Variants in PBX4 observed in about 807,000 individuals in gnomAD.
PBX4 encodes the protein pre-B-cell leukemia transcription factor 4.
In PBX4, 26 loss-of-function variants were observed where a neutral mutation model predicts 35.1. The observed-to-expected ratio is 0.74, with a 90% CI of 0.54 to 1.03. The LOEUF is 1.03. PBX4 is among the 50% of genes least tolerant of loss of function. The pLI is 0.00. For missense variants in PBX4, 448 were observed against 504.3 expected, an observed-to-expected ratio of 0.89 and a Z score of 1.07; for synonymous variants, 199 against 204.2, an observed-to-expected ratio of 0.97 and a Z score of 0.22.
At chr19:19,607,933 C>T (rs1396451567) in intron 1 of PBX4, among the ~76,000 whole-genome samples, 3 of 152,138 alleles carry the variant, frequency 2.0e-5, no homozygotes, top group Non-Finnish European at 4.4e-5. Flanking sequence ...ATCGATTATC[C>T]TTGATTATTC....
intron 6 of PBX4, among the ~76,000 whole-genome samples, chr19:19,564,236 T>C (rs1317315869): frequency 6.7e-6 from 1 of 148,210 alleles, no homozygotes; most frequent in Non-Finnish European, 1.5e-5. Flanking sequence ...AGTGAGAATA[T>C]GCGGTGTTTG....
rs186588820 is a variant in PBX4, at chr19:19,591,462, A to G, written c.193+7830T>C. On this transcript the variant is annotated intron_variant, in intron 2 of 7. Transcript: ENST00000251203. Reference sequence around the variant, plus strand: ...TTCCCTGATGTTATGCATTATTTACATTTACTCCTCTGAATGGGGCTCTGT... The same window carrying G: ...TTCCCTGATGTTATGCATTATTTACGTTTACTCCTCTGAATGGGGCTCTGT... Among the ~76,000 whole-genome samples, 380 of 152,332 alleles carry G rather than the reference A, an allele frequency of 2.5e-3. 2 individuals are homozygous for G. Among genetic ancestry groups the G allele is most frequent in the African/African-American group, 8.8e-3 (366 of 41,562 alleles).
Position 19,570,778 on chromosome 19 carries a change from C to T in PBX4, c.249G>A (p.Arg83=). The T allele has an allele frequency of 1.2e-6, 2 of 1,614,120 alleles. No homozygotes were observed. Among genetic ancestry groups the T allele is most frequent in the South Asian group, 1.1e-5 (1 of 91,076 alleles). Residue 83 remains arginine (R), a synonymous_variant, in exon 3 of 8, where the codon AGG becomes AGA. Coordinates refer to ENST00000251203, the MANE Select transcript of PBX4 (RefSeq NM_025245.3). ...CCTCAGCCAGCAGCATGTTATCCAG[C>T]CTCAGGAGCTGGGCGTCAGGGGGAT... ...DEDPPDAQLL[R]LDNMLLAEGV...
At chr19:19,599,057 C>T (rs1406642250) in intron 2 of PBX4, among the ~76,000 whole-genome samples, 2 of 151,962 alleles carry the variant, frequency 1.3e-5, no homozygotes, top group African/African-American at 2.4e-5. Flanking sequence ...CAACCTCCAC[C>T]TCCCAGGTTC....
At chr19:19,615,886 TCACA>T (rs377323785) in intron 1 of PBX4, among the ~76,000 whole-genome samples, 1 of 150,202 alleles carries the variant, frequency 6.7e-6, no homozygotes, top group Non-Finnish European at 1.5e-5. Context: ...TGAGAGTCCG[TCACA>T]CACACACACA....
chr19:19,615,852 T>G (rs1478686303), intron 1 of PBX4, among the ~76,000 whole-genome samples: 1 of 152,148 alleles, frequency 6.6e-6, no homozygotes, highest in African/African-American at 2.4e-5. Flanking sequence ...ATAGCGCCAC[T>G]GCACTCCAGC....
Position 19,563,401 on chromosome 19 carries a change from T to G in PBX4, c.1032+108A>C. The stretch of plus-strand genomic sequence containing the variant: ...CGCGCAGCATGGCCTGTGTGGCTGC[T>G]GGGACCTCTGGGGAAGCTGCCCCAA... On this transcript the variant is annotated intron_variant, in intron 7 of 7. Transcript: ENST00000251203. The surrounding 1 kb of genome is among the most constrained non-coding windows in gnomAD (Gnocchi z 5.1). 1.2e-6 allele frequency: 1 copy of G among 848,062 alleles called. No homozygotes were observed. The highest frequency in any genetic ancestry group is 1.8e-6 in the Non-Finnish European group (1 of 551,530). 52.5% of individuals were successfully genotyped at this position (848,062 alleles called of 1,614,324 possible).
At chr19:19,569,101 C>G (rs2061363706) in intron 5 of PBX4, among the ~76,000 whole-genome samples, 1 of 152,180 alleles carries the variant, frequency 6.6e-6, no homozygotes, top group African/African-American at 2.4e-5. Flanking sequence ...CTCTGTCACC[C>G]AGGCTGGAAT....
chr19:19,588,382 C>G, intron 2 of PBX4: 1 of 1,348,136 alleles, frequency 7.4e-7, no homozygotes, highest in Non-Finnish European at 1.1e-6. Flanking sequence ...AGCCTGCTTG[C>G]GGCAAAAGAT....
chr19:19,565,255 C>T (rs2061334766), intron 5 of PBX4, among the ~76,000 whole-genome samples, 166 bp from the exon 6 acceptor site: 1 of 152,176 alleles, frequency 6.6e-6, no homozygotes, highest in South Asian at 2.1e-4. Context: ...CCCTCTGAAC[C>T]ACGGACCCAG....
chr19:19,594,186 A>G (rs2061546179), intron 2 of PBX4, among the ~76,000 whole-genome samples: 1 of 151,732 alleles, frequency 6.6e-6, no homozygotes, highest in Non-Finnish European at 1.5e-5. Flanking sequence ...CGGGCGGATC[A>G]CCTGAGGTCA....
intron 2 of PBX4, among the ~76,000 whole-genome samples, chr19:19,580,182 C>G (rs1270110848): frequency 6.6e-6 from 1 of 152,246 alleles, no homozygotes; most frequent in Non-Finnish European, 1.5e-5. Context: ...GGCCCACCCA[C>G]CGTGTCTGGA....
intron 1 of PBX4, among the ~76,000 whole-genome samples, chr19:19,609,498 G>C (rs1251636589): frequency 7.4e-6 from 1 of 135,632 alleles, no homozygotes; most frequent in Non-Finnish European, 1.5e-5. Context: ...GTGGTGAGCC[G>C]AAATCGCGCC....
chr19:19,607,865 C>T (rs2061640302), intron 1 of PBX4, among the ~76,000 whole-genome samples: 1 of 152,174 alleles, frequency 6.6e-6, no homozygotes, highest in South Asian at 2.1e-4. Context: ...GAATAGAATA[C>T]TACTTGAAAA....
rs373886682 is a variant in PBX4, at chr19:19,561,995, G to A, written c.*30C>T. 258 of 1,576,370 alleles carry A rather than the reference G, an allele frequency of 1.6e-4. No homozygotes were observed. Among genetic ancestry groups the A allele is most frequent in the Middle Eastern group, 1.0e-3 (6 of 6,010 alleles). ...CGGCTGGCGATACATGGCAGCTCACGCAGCGCTCTTTCCTGCTTATCCCCC... is the reference window on the plus strand; with the variant it reads ...CGGCTGGCGATACATGGCAGCTCACACAGCGCTCTTTCCTGCTTATCCCCC... On this transcript the variant is annotated 3_prime_UTR_variant, in exon 8 of 8. Transcript: ENST00000251203.
intron 1 of PBX4, among the ~76,000 whole-genome samples, chr19:19,609,055 T>G (rs964174200): frequency 6.6e-6 from 1 of 152,208 alleles, no homozygotes; most frequent in Admixed American, 6.5e-5. Flanking sequence ...AGCCCGAGCC[T>G]GACTGTCTGA....
At chr19:19,573,032 G>A (rs867414480) in intron 2 of PBX4, among the ~76,000 whole-genome samples, 1 of 151,634 alleles carries the variant, frequency 6.6e-6, no homozygotes, top group South Asian at 2.1e-4. Context: ...TTGGCCAGGC[G>A]CAGTGGCTCA....
chr19:19,564,515 G>A (rs535064057), intron 6 of PBX4, among the ~76,000 whole-genome samples: 6 of 151,962 alleles, frequency 3.9e-5, no homozygotes, highest in Non-Finnish European at 5.9e-5. Flanking sequence ...CGCCCGCCTC[G>A]GCCTGGGATT....
intron 2 of PBX4, among the ~76,000 whole-genome samples, chr19:19,590,068 C>A (rs2061517268): frequency 6.6e-6 from 1 of 152,132 alleles, no homozygotes; most frequent in Non-Finnish European, 1.5e-5. Flanking sequence ...TTGAGGTAAG[C>A]TTTATTGAGA....
Sources: allele counts gnomAD v4.1 joint callset (sites outside exome capture counted in the v4.1 genomes callset), GRCh38; gene constraint gnomAD v4.1.1; non-coding constraint Gnocchi (gnomAD v3.1); transcripts MANE v1.5; gene names NCBI Gene and HGNC (gene_info 2026-07-23, HGNC 2026-07-21).